The following GLYATL1 variants were observed in gnomAD, a reference collection of about 807,000 sequenced individuals.
GLYATL1 encodes the protein glycine-N-acyltransferase like 1.
GLYATL1 carries 15 observed loss-of-function variants against 20.0 expected under a neutral mutation model. The ratio of observed to expected loss-of-function variants is 0.75; its 90% confidence interval spans 0.50 to 1.15. GLYATL1 has a LOEUF of 1.15. Among genes scored for constraint, GLYATL1 ranks in the 50% most tolerant of loss-of-function variants. The pLI, the probability that GLYATL1 is intolerant of heterozygous loss-of-function variation, is 0.00. For missense variants in GLYATL1, 380 were observed against 368.5 expected (o/e 1.03, Z -0.26); for synonymous variants, 151 against 131.5 (o/e 1.15, Z -1.01).
chr11:58,950,441 GAGTCAATGCAATGCTATTT>G (rs1856913079), intron 4 of GLYATL1, among the ~76,000 whole-genome samples: 1 of 152,160 alleles, frequency 6.6e-6, no homozygotes, highest in African/African-American at 2.4e-5. Context: ...GCATTTCATA[GAGTCAATGCAATGCTATTT>G]AGTCAATCAT....
chr11:58,920,556 C>T (rs1416406677), intron 1 of GLYATL1, among the ~76,000 whole-genome samples: 2 of 152,174 alleles, frequency 1.3e-5, no homozygotes, highest in Non-Finnish European at 2.9e-5. Context: ...CTCCGAGGGG[C>T]TGATCTGTCA....
upstream of GLYATL1, among the ~76,000 whole-genome samples, chr11:58,936,128 C>G (rs1345262738): frequency 1.3e-5 from 2 of 152,112 alleles, no homozygotes; most frequent in African/African-American, 4.8e-5. Context: ...ATGAATCAAT[C>G]AAATTTTTTC....
chr11:58,916,965 G>C (rs1855188576), intron 1 of GLYATL1: 1 of 152,138 alleles, frequency 6.6e-6, no homozygotes, highest in Non-Finnish European at 1.5e-5. Flanking sequence ...ATCATATAGT[G>C]GCCCACAAGC....
At chr11:58,949,214 A>C (rs1837315258) in intron 4 of GLYATL1, among the ~76,000 whole-genome samples, 1 of 152,196 alleles carries the variant, frequency 6.6e-6, no homozygotes, top group African/African-American at 2.4e-5. Context: ...TTGCCAGCCC[A>C]ACTTCATGTA....
At position 58,954,831 on chromosome 11, in the gene GLYATL1, A is replaced by C; in HGVS notation, c.248A>C (p.Gln83Pro). Residue 83 changes from glutamine (Q) to proline (P), a missense_variant, in exon 5 of 7, where the codon CAA (glutamine) becomes CCA (proline). Transcript: ENST00000532726. ...NVYRMFSKEP[Q>P]KSEEVLKNCE... Reference sequence around the variant, plus strand: ...TATCGTATGTTCTCCAAAGAGCCTCAAAAATCAGAAGAAGTTTTGAAAAAT... The same window carrying C: ...TATCGTATGTTCTCCAAAGAGCCTCCAAAATCAGAAGAAGTTTTGAAAAAT... 1 of 1,613,426 alleles carries C rather than the reference A, an allele frequency of 6.2e-7. No homozygotes were observed. The highest frequency in any genetic ancestry group is 8.5e-7 in the Non-Finnish European group (1 of 1,179,660).
upstream of GLYATL1, among the ~76,000 whole-genome samples, chr11:58,926,376 G>C (rs115090635): frequency 4.5e-3 from 688 of 152,324 alleles, 9 homozygotes; most frequent in African/African-American, 0.016. Flanking sequence ...CTGTGGGCTT[G>C]AATATGTGTA....
intron 1 of GLYATL1, chr11:58,933,893 C>G (rs1288476199): frequency 2.0e-5 from 3 of 152,382 alleles, no homozygotes; most frequent in Non-Finnish European, 2.9e-5. Flanking sequence ...TTTCCTGGGT[C>G]TGTAGAGTTG....
intron 4 of GLYATL1, among the ~76,000 whole-genome samples, chr11:58,951,724 T>C (rs574264338): frequency 7.9e-5 from 12 of 152,232 alleles, no homozygotes; most frequent in African/African-American, 2.6e-4. Flanking sequence ...AACTAAGTGA[T>C]TTTTCCATTA....
At position 58,947,146 on chromosome 11, in the gene GLYATL1, G is replaced by T; in HGVS notation, c.59G>T (p.Ser20Ile). Residue 20 changes from serine (S) to isoleucine (I), a missense_variant, in exon 3 of 7, where the codon AGC (serine) becomes ATC (isoleucine). Transcript: ENST00000532726. ...LLALYKSLARSIPESLKVYGS... is the reference protein window; with the variant it reads ...LLALYKSLARIIPESLKVYGS... ...GCCCTATACAAATCCTTGGCCAGGA[G>T]CATCCCTGAGTCCCTGAAGGTCAGG... The T allele has an allele frequency of 6.2e-7, 1 of 1,613,872 alleles. No homozygotes were observed. Among genetic ancestry groups the T allele is most frequent in the Non-Finnish European group, 8.5e-7 (1 of 1,179,778 alleles).
At chr11:58,916,278 G>C (rs1855169784) in intron 1 of GLYATL1, among the ~76,000 whole-genome samples, 4 of 152,192 alleles carry the variant, frequency 2.6e-5, no homozygotes, top group Admixed American at 2.6e-4. Context: ...AATTACATTT[G>C]TTTGACATGT....
upstream of GLYATL1, among the ~76,000 whole-genome samples, chr11:58,926,405 C>T (rs142084090): frequency 1.0e-3 from 157 of 152,232 alleles, no homozygotes; most frequent in Middle Eastern, 3.4e-3. Flanking sequence ...AGGATGTGTA[C>T]GTTGGTCCAG....
intron 1 of GLYATL1, chr11:58,933,719 A>C (rs1855701276): frequency 6.6e-6 from 1 of 152,214 alleles, no homozygotes; most frequent in Non-Finnish European, 1.5e-5. Context: ...TTTGAAAAAC[A>C]AGAAACTTAT....
downstream of GLYATL1, among the ~76,000 whole-genome samples, chr11:58,910,185 GA>G (rs1424969389): frequency 6.6e-6 from 1 of 152,136 alleles, no homozygotes; most frequent in Non-Finnish European, 1.5e-5. Flanking sequence ...GAGAGGGGTA[GA>G]ATAGCTTTCT....
In GLYATL1 at chr11:58,939,590, A is replaced by C. The variant is rs1340478690; in HGVS notation, c.-227A>C. The C allele has an allele frequency of 6.6e-6, 1 of 152,244 alleles. No homozygotes were observed. The highest frequency in any genetic ancestry group is 2.4e-5 in the African/African-American group (1 of 41,448). The allele number at this position is 152,244 out of a possible 1,614,324, so 9.4% of individuals were successfully genotyped here. A position where few individuals can be genotyped will look rare whatever the true frequency, so the allele number is the denominator to read the frequency against. On this transcript the variant is annotated 5_prime_UTR_variant, in exon 1 of 7. Coordinates refer to ENST00000532726, the MANE Select transcript of GLYATL1 (RefSeq NM_001389712.2). The stretch of plus-strand genomic sequence containing the variant: ...TCTGGGGCCACCACAGCTGGCCCCA[A>C]CCATGGTCCTGATTGCCTTGGAAGA...
intron 1 of GLYATL1, among the ~76,000 whole-genome samples, chr11:58,940,844 G>A (rs961827584): frequency 1.3e-5 from 2 of 152,128 alleles, no homozygotes; most frequent in African/African-American, 4.8e-5. Context: ...ATTCATGCTT[G>A]TAGTTCCAGC....
At chr11:58,943,118 C>CA in intron 1 of GLYATL1, 1 of 703,962 alleles carries the variant, frequency 1.4e-6, no homozygotes, top group Non-Finnish European at 2.1e-6. Flanking sequence ...ACTGTTGAAA[C>CA]AAACTAATTA....
At chr11:58,945,825 G>C (rs1565130406) in intron 2 of GLYATL1, among the ~76,000 whole-genome samples, 2 of 152,124 alleles carry the variant, frequency 1.3e-5, no homozygotes, top group Non-Finnish European at 2.9e-5. Flanking sequence ...AGTTCCTTGG[G>C]TATTCAAACA....
At position 58,955,261 on chromosome 11, in the gene GLYATL1, G is replaced by A; in HGVS notation, c.399G>A (p.Leu133=). ...TAGAGCATTCGAGAGCACTCCTCTT[G>A]GTTACGGAAGATATTCTGAAGCTCA... ...VKVEHSRALL[L]VTEDILKLNA... The change falls in exon 6 of 7, where the codon TTG becomes TTA. Residue 133 remains leucine (L), a synonymous_variant. Transcript: ENST00000532726. 1 of 1,614,100 alleles carries A rather than the reference G, an allele frequency of 6.2e-7. No homozygotes were observed. The highest frequency in any genetic ancestry group is 8.5e-7 in the Non-Finnish European group (1 of 1,179,948).
downstream of GLYATL1, among the ~76,000 whole-genome samples, chr11:58,913,191 G>A (rs1039959274): frequency 6.6e-6 from 1 of 152,096 alleles, no homozygotes; most frequent in African/African-American, 2.4e-5. Context: ...AGAGGGGATG[G>A]GAAGATGCTT....
Sources: allele counts gnomAD v4.1 joint callset (sites outside exome capture counted in the v4.1 genomes callset), GRCh38; gene constraint gnomAD v4.1.1; transcripts MANE v1.5; gene names NCBI Gene and HGNC (gene_info 2026-07-23, HGNC 2026-07-21).